Variants in RAB31 observed in about 807,000 individuals in gnomAD.
RAB31 encodes the protein ras-related protein Rab-31.
In RAB31, 21 loss-of-function variants were observed where a neutral mutation model predicts 25.6. The ratio of observed to expected loss-of-function variants is 0.82; its 90% CI spans 0.58 to 1.18. The LOEUF (loss-of-function observed/expected upper bound fraction) is 1.18, where lower values mean the gene tolerates loss of function less well. Among genes scored for constraint, RAB31 ranks in the 50% most tolerant of loss-of-function variants. The probability of loss-of-function intolerance (pLI) is 0.00; values close to 1 mark genes in which losing one functional copy is unlikely to be tolerated. For synonymous variants in RAB31, 87 were observed against 84.0 expected (o/e 1.04, Z -0.20); for missense variants, 196 against 250.1 (o/e 0.78, Z 1.46).
chr18:9,779,726 C>T (rs2068392171), intron 2 of RAB31, among the ~76,000 whole-genome samples: 1 of 152,198 alleles, frequency 6.6e-6, no homozygotes, highest in Non-Finnish European at 1.5e-5. Context: ...TTACCTCACC[C>T]CTCCTTTGGG....
chr18:9,719,298 A>AAATAAATATAT (rs1568161256), intron 1 of RAB31, among the ~76,000 whole-genome samples: 1 of 23,108 alleles, frequency 4.3e-5, no homozygotes, highest in Non-Finnish European at 9.0e-5. Context: ...AAAAAAAAAA[A>AAATAAATATAT]ATATATATAT....
At position 9,814,055 on chromosome 18, in the gene RAB31, A is replaced by C. The variant is rs181995609; in HGVS notation, c.237A>C (p.Ser79=). Residue 79 remains serine, a synonymous_variant, in exon 4 of 7, where the codon TCA becomes TCC. Coordinates refer to ENST00000578921, the MANE Select transcript of RAB31 (RefSeq NM_006868.4). ...HSLAPMYYRG[S]AAAVIVYDIT... ...TGGCTCCCATGTACTATCGAGGCTCAGCTGCAGCTGTTATCGTGTATGATA... is the reference window on the plus strand; with the variant it reads ...TGGCTCCCATGTACTATCGAGGCTCCGCTGCAGCTGTTATCGTGTATGATA... 1.3e-6 allele frequency: 2 copies of C among 1,595,326 alleles called. No homozygotes were observed. The highest frequency in any genetic ancestry group is 2.7e-5 in the African/African-American group (2 of 74,736).
chr18:9,787,790 CT>C (rs2068441233), intron 2 of RAB31: 1 of 152,258 alleles, frequency 6.6e-6, no homozygotes, highest in Admixed American at 6.5e-5. Context: ...GTAGGAGAGG[CT>C]TTATCCACAT....
rs1438480020 is a variant in RAB31 at position 9,724,285 on chromosome 18, A to C, written c.39+15841A>C. Among the ~76,000 whole-genome samples, 32 of 114,368 alleles carry C rather than the reference A, an allele frequency of 2.8e-4. 2 individuals are homozygous for C. In the South Asian group the frequency reaches 4.5e-3, roughly 16 times the overall value. 75.0% of individuals were successfully genotyped at this position (114,368 alleles called of 152,430 possible). The stretch of plus-strand genomic sequence containing the variant: ...GACTCCGTCTCAAAAAAAAAAAAAA[A>C]AACAAAAAAAAAACATTATTATTGA... On this transcript the variant is annotated intron_variant, in intron 1 of 6. Coordinates refer to ENST00000578921, the MANE Select transcript of RAB31 (RefSeq NM_006868.4).
chr18:9,775,221 C>T lies in RAB31; in HGVS notation c.40-57C>T. 3 of 1,610,956 alleles carry T rather than the reference C, an allele frequency of 1.9e-6. No homozygotes were observed. The South Asian group carries it at 3.3e-5, about 18-fold the overall frequency. On this transcript the variant is annotated intron_variant, in intron 1 of 6. Transcript: ENST00000578921. ...GGTAATCTGTGAGGTCAGTTAACCT[C>T]ACAACCTGTGAGTTGCCGCCCTTCA...
At chr18:9,779,998 A>T (rs933326798) in intron 2 of RAB31, among the ~76,000 whole-genome samples, 15 of 152,044 alleles carry the variant, frequency 9.9e-5, no homozygotes, top group Admixed American at 9.8e-4. Flanking sequence ...AACAGGGCGA[A>T]ACTTGGTCTC....
chr18:9,793,619 G>A (rs538058061), intron 3 of RAB31, among the ~76,000 whole-genome samples: 2 of 147,690 alleles, frequency 1.4e-5, no homozygotes, highest in East Asian at 3.9e-4. Context: ...CCGAGATCAT[G>A]CCACTGCACT....
intron 1 of RAB31, among the ~76,000 whole-genome samples, chr18:9,754,329 G>C (rs1048835801): frequency 2.6e-5 from 4 of 152,066 alleles, no homozygotes; most frequent in African/African-American, 9.7e-5. Context: ...ACCCAGGCTG[G>C]AATGCAATGG....
At chr18:9,784,711 CCTGGCTAATTTTTGT>C (rs1261112937) in intron 2 of RAB31, among the ~76,000 whole-genome samples, 193 of 152,078 alleles carry the variant, frequency 1.3e-3, no homozygotes, top group Non-Finnish European at 2.2e-3. Flanking sequence ...CACCACCACA[CCTGGCTAATTTTTGT>C]ATTTATAGTA....
Position 9,861,268 on chromosome 18 carries a change from G to C in RAB31, c.*1943G>C, listed in dbSNP as rs569938876. 11 of 152,298 alleles carry C rather than the reference G, an allele frequency of 7.2e-5. No individual in the cohort carries two copies. The South Asian group carries it at 1.0e-3, about 14-fold the overall frequency. 9.4% of individuals were successfully genotyped at this position (152,298 alleles called of 1,614,324 possible). A position where few individuals can be genotyped will look rare whatever the true frequency, so the allele number is the denominator to read the frequency against. On this transcript the variant is annotated 3_prime_UTR_variant, in exon 7 of 7. Transcript: ENST00000578921. ...GCTGAGGGGTAAGTATCCTAGCTGA[G>C]AGTTTTGCATCTTTGGGCTGGGTTT...
intron 1 of RAB31, chr18:9,725,884 A>G (rs1401432680): frequency 6.6e-6 from 1 of 152,260 alleles, no homozygotes; most frequent in East Asian, 1.9e-4. Flanking sequence ...AAAGGCTCAA[A>G]TGCGTTTATA....
chr18:9,780,720 C>A (rs185136671), intron 2 of RAB31, among the ~76,000 whole-genome samples: 3 of 152,178 alleles, frequency 2.0e-5, no homozygotes, highest in African/African-American at 7.2e-5. Flanking sequence ...CACCTGAAGT[C>A]GGGAGTTCAA....
chr18:9,751,712 G>A (rs751788603), intron 1 of RAB31, among the ~76,000 whole-genome samples: 1 of 152,240 alleles, frequency 6.6e-6, no homozygotes, highest in African/African-American at 2.4e-5. Context: ...ACTTGAGCTG[G>A]TGCACGTAAA....
rs762319829 is a variant in RAB31, at chr18:9,708,374, G to C, written c.-32G>C. On this transcript the variant is annotated 5_prime_UTR_variant, in exon 1 of 7. Coordinates refer to ENST00000578921, the MANE Select transcript of RAB31 (RefSeq NM_006868.4). The surrounding 1 kb of genome is among the most constrained non-coding windows in gnomAD (Gnocchi z 6.4). ...GGGCGCGGCGGCCCCGGAGGATGCT[G>C]CTGAGCCCCGGCACTGCCTGGCTGC... 11 of 1,524,568 alleles carry C rather than the reference G, an allele frequency of 7.2e-6. No individual in the cohort carries two copies. In the South Asian group the frequency reaches 1.3e-4, roughly 18 times the overall value. The allele number at this position is 1,524,568 out of a possible 1,614,324, so 94.4% of individuals were successfully genotyped here.
At chr18:9,833,579 T>C (rs1276526207) in intron 5 of RAB31, among the ~76,000 whole-genome samples, 3 of 152,228 alleles carry the variant, frequency 2.0e-5, no homozygotes, top group Admixed American at 2.0e-4. Flanking sequence ...TGATGTTTGA[T>C]AGATGGCATT....
chr18:9,834,194 C>T (rs2068693144), intron 5 of RAB31, among the ~76,000 whole-genome samples: 1 of 152,128 alleles, frequency 6.6e-6, no homozygotes, highest in Non-Finnish European at 1.5e-5. Flanking sequence ...TGGCTCCCTG[C>T]AACCTGCGCC....
chr18:9,808,081 A>C (rs987158326), intron 3 of RAB31, among the ~76,000 whole-genome samples: 1 of 152,342 alleles, frequency 6.6e-6, no homozygotes, highest in South Asian at 2.1e-4. Flanking sequence ...GGCTTGCAGC[A>C]CATTTGTCAG....
At chr18:9,744,837 T>A (rs147968719) in intron 1 of RAB31, among the ~76,000 whole-genome samples, 3 of 152,156 alleles carry the variant, frequency 2.0e-5, no homozygotes, top group Non-Finnish European at 4.4e-5. Context: ...GGGAAACTTA[T>A]AGCCATAAAC....
At chr18:9,834,327 G>A (rs2068693812) in intron 5 of RAB31, among the ~76,000 whole-genome samples, 1 of 152,112 alleles carries the variant, frequency 6.6e-6, no homozygotes. Context: ...TGTTGGCCAG[G>A]CTGGTCTTGA....
Sources: allele counts gnomAD v4.1 joint callset (sites outside exome capture counted in the v4.1 genomes callset), GRCh38; gene constraint gnomAD v4.1.1; non-coding constraint Gnocchi (gnomAD v3.1); transcripts MANE v1.5; gene names NCBI Gene and HGNC (gene_info 2026-07-23, HGNC 2026-07-21).